MYO9B: variants seen among roughly 807,000 people sequenced by gnomAD.
The protein encoded by MYO9B is unconventional myosin-IXb.
MYO9B carries 71 observed loss-of-function variants against 229.5 expected under a neutral mutation model. That is an observed-to-expected ratio of 0.31 (90% CI 0.26 to 0.38). The LOEUF (loss-of-function observed/expected upper bound fraction) is 0.38. Ranked by LOEUF, MYO9B falls within the 10% of genes least tolerant of loss-of-function variation. MYO9B has a pLI of 1.00. For missense variants in MYO9B, 2,255 were observed against 2,920.5 expected (o/e 0.77, Z 5.25); for synonymous variants, 1,185 against 1,235.8 (o/e 0.96, Z 0.86).
chr19:17,088,177 G>C (rs1353091204), intron 1 of MYO9B, among the ~76,000 whole-genome samples: 1 of 152,208 alleles, frequency 6.6e-6, no homozygotes, highest in Non-Finnish European at 1.5e-5. Context: ...AGCTTCTGGG[G>C]CTCCAGGTGT....
chr19:17,143,871 A>C (rs1388874233), intron 2 of MYO9B, among the ~76,000 whole-genome samples: 1 of 152,218 alleles, frequency 6.6e-6, no homozygotes, highest in Admixed American at 6.5e-5. Flanking sequence ...CAGTGAGCCG[A>C]GATCGTGCCA....
Position 17,209,679 on chromosome 19 carries a change from C to T in MYO9B, c.5718C>T (p.Phe1906=). The change falls in exon 36 of 40, where the codon TTC becomes TTT. Residue 1906 remains phenylalanine, a synonymous_variant. Coordinates refer to ENST00000682292, the MANE Select transcript of MYO9B (RefSeq NM_004145.4). The stretch of plus-strand genomic sequence containing the variant: ...TGGAGGCTGCAGAGAGTATCGCCTT[C>T]CGCAGGCTTTCGCTCCTGCGACAAA... ...SQLEAAESIA[F]RRLSLLRQNA... The T allele has an allele frequency of 3.1e-6, 5 of 1,613,506 alleles. No homozygotes were observed. Among genetic ancestry groups the T allele is most frequent in the Non-Finnish European group, 4.2e-6 (5 of 1,179,712 alleles).
intron 7 of MYO9B, among the ~76,000 whole-genome samples, chr19:17,158,774 G>C (rs1360578517): frequency 1.3e-5 from 2 of 152,188 alleles, no homozygotes; most frequent in Non-Finnish European, 2.9e-5. Flanking sequence ...CAATAGGCAA[G>C]GCGGCCACCT....
intron 10 of MYO9B, among the ~76,000 whole-genome samples, chr19:17,165,251 C>T (rs915552862): frequency 6.6e-6 from 1 of 151,718 alleles, no homozygotes; most frequent in Non-Finnish European, 1.5e-5. Context: ...GTCCCAACTA[C>T]TGAGGAGGCT....
At chr19:17,200,229 G>A (rs2145486827) in intron 24 of MYO9B, 64 bp from the exon 25 acceptor site, 15 of 1,558,056 alleles carry the variant, frequency 9.6e-6, no homozygotes, top group Non-Finnish European at 1.3e-5. Context: ...CAGTCACAGG[G>A]AGGCTGGGCC....
At chr19:17,146,458 G>A (rs966335971) in intron 3 of MYO9B, among the ~76,000 whole-genome samples, 1 of 151,978 alleles carries the variant, frequency 6.6e-6, no homozygotes, top group African/African-American at 2.4e-5. Context: ...TGGATAGATG[G>A]ATTCTTGGGT....
chr19:17,081,922 G>C (rs2057537675), intron 1 of MYO9B, among the ~76,000 whole-genome samples: 1 of 152,052 alleles, frequency 6.6e-6, no homozygotes, highest in African/African-American at 2.4e-5. Flanking sequence ...CGTGTGCCTG[G>C]TGGGGAAGCA....
intron 3 of MYO9B, among the ~76,000 whole-genome samples, chr19:17,152,050 G>A (rs2072482350): frequency 6.6e-6 from 1 of 152,034 alleles, no homozygotes; most frequent in Admixed American, 6.6e-5. Flanking sequence ...AGCCAGGCAT[G>A]GTGGCACATG....
intron 1 of MYO9B, among the ~76,000 whole-genome samples, chr19:17,079,813 C>T (rs971572606): frequency 1.1e-4 from 17 of 152,180 alleles, no homozygotes; most frequent in South Asian, 6.2e-4. Context: ...TGCCCCTGCT[C>T]GGCCGGCCAT....
At chr19:17,128,146 G>A (rs1380912945) in intron 2 of MYO9B, among the ~76,000 whole-genome samples, 1 of 151,962 alleles carries the variant, frequency 6.6e-6, no homozygotes, top group African/African-American at 2.4e-5. Context: ...GGAGGCCGAG[G>A]CAGGAGAATC....
chr19:17,185,316 G>C (rs1444971446), intron 17 of MYO9B, among the ~76,000 whole-genome samples: 3 of 150,976 alleles, frequency 2.0e-5, no homozygotes, highest in Non-Finnish European at 4.4e-5. Context: ...GGAGCTTGCA[G>C]TGAGCCGAGA....
intron 13 of MYO9B, among the ~76,000 whole-genome samples, chr19:17,173,291 T>C (rs2072746179): frequency 8.3e-6 from 1 of 120,660 alleles, no homozygotes; most frequent in East Asian, 2.4e-4. Context: ...TCTGTCTTGC[T>C]CTTTTTTTTT....
At chr19:17,111,333 C>G (rs1253444291) in intron 2 of MYO9B, among the ~76,000 whole-genome samples, 2 of 152,082 alleles carry the variant, frequency 1.3e-5, no homozygotes, top group Non-Finnish European at 2.9e-5. Flanking sequence ...AGTTGAGGTT[C>G]CTGTTTAAGA....
chr19:17,160,181 C>T (rs922833430), intron 8 of MYO9B, among the ~76,000 whole-genome samples: 4 of 152,126 alleles, frequency 2.6e-5, no homozygotes, highest in African/African-American at 7.2e-5. Context: ...GCCCCTCACC[C>T]GATGGGAAGC....
intron 1 of MYO9B, among the ~76,000 whole-genome samples, chr19:17,092,859 G>A (rs2057651621): frequency 6.6e-6 from 1 of 152,070 alleles, no homozygotes; most frequent in Non-Finnish European, 1.5e-5. Context: ...GTGTGTCCAT[G>A]TGTGTGCTGT....
chr19:17,078,354 A>G (rs1016516702), intron 1 of MYO9B, among the ~76,000 whole-genome samples: 1 of 152,160 alleles, frequency 6.6e-6, no homozygotes, highest in African/African-American at 2.4e-5. Flanking sequence ...AGCCTGACCA[A>G]TATGGAGAAA....
intron 2 of MYO9B, 46 bp from the exon 3 acceptor site, chr19:17,145,351 A>G (rs2072396432): frequency 6.6e-7 from 1 of 1,522,800 alleles, no homozygotes; most frequent in Non-Finnish European, 9.1e-7. Flanking sequence ...AAAGAAAAAG[A>G]AATTCCACCC....
At chr19:17,179,591 T>C (rs1285734277) in intron 14 of MYO9B, among the ~76,000 whole-genome samples, 1 of 151,462 alleles carries the variant, frequency 6.6e-6, no homozygotes, top group African/African-American at 2.4e-5. Flanking sequence ...CATGCCCAGC[T>C]AATTTTTGTG....
intron 19 of MYO9B, 140 bp downstream of exon 19, chr19:17,188,185 T>C (rs1019294869): frequency 4.5e-6 from 3 of 664,326 alleles, no homozygotes; most frequent in Admixed American, 2.5e-5. Context: ...TCCCAGCACC[T>C]TGGGAGGCTG....
Sources: allele counts gnomAD v4.1 joint callset (sites outside exome capture counted in the v4.1 genomes callset), GRCh38; gene constraint gnomAD v4.1.1; transcripts MANE v1.5; gene names NCBI Gene and HGNC (gene_info 2026-07-23, HGNC 2026-07-21).